GMDS: variants seen among roughly 807,000 people sequenced by gnomAD.
GMDS encodes the protein GDP-mannose 4,6 dehydratase.
GMDS carries 20 observed loss-of-function variants against 49.9 expected under a neutral mutation model. The ratio of observed to expected loss-of-function variants is 0.40; its 90% CI spans 0.28 to 0.58. The LOEUF is 0.58. GMDS is among the 20% of genes least tolerant of loss of function. The probability of loss-of-function intolerance (pLI) is 0.42; values close to 1 mark genes in which losing one functional copy is unlikely to be tolerated. For missense variants in GMDS, 362 were observed against 481.4 expected (o/e 0.75, Z 2.32); for synonymous variants, 177 against 178.6 (o/e 0.99, Z 0.07).
At chr6:1,957,858 A>G (rs776423068) in intron 6 of GMDS, among the ~76,000 whole-genome samples, 1 of 152,230 alleles carries the variant, frequency 6.6e-6, no homozygotes, top group Non-Finnish European at 1.5e-5. Flanking sequence ...GCTAGAGTGC[A>G]GTGGCACAAT....
chr6:2,025,070 C>T (rs777026062), intron 4 of GMDS, among the ~76,000 whole-genome samples: 3 of 151,788 alleles, frequency 2.0e-5, no homozygotes, highest in Non-Finnish European at 4.4e-5. Context: ...ACTATAATGG[C>T]AGTGAGAGAT....
chr6:1,694,875 G>C (rs1765286218), intron 9 of GMDS, among the ~76,000 whole-genome samples: 1 of 152,184 alleles, frequency 6.6e-6, no homozygotes, highest in African/African-American at 2.4e-5. Flanking sequence ...TTCCTACCTA[G>C]TTTTGTGCAG....
At chr6:1,976,883 A>T (rs549245823) in intron 4 of GMDS, among the ~76,000 whole-genome samples, 4 of 152,340 alleles carry the variant, frequency 2.6e-5, no homozygotes, top group Admixed American at 2.6e-4. Flanking sequence ...CCCTACACTG[A>T]ACAGGAGATA....
At chr6:1,655,660 C>T (rs187336771) in intron 9 of GMDS, among the ~76,000 whole-genome samples, 15 of 152,268 alleles carry the variant, frequency 9.9e-5, no homozygotes, top group Middle Eastern at 3.4e-3. Context: ...CCAGCCACCA[C>T]GCCTTGCTAA....
At chr6:1,693,043 C>T (rs868113198) in intron 9 of GMDS, among the ~76,000 whole-genome samples, 3 of 152,160 alleles carry the variant, frequency 2.0e-5, no homozygotes, top group East Asian at 1.9e-4. Context: ...TTGGAAGCAG[C>T]GGTACTTTTG....
chr6:2,053,356 A>G (rs1770564096), intron 4 of GMDS, among the ~76,000 whole-genome samples: 1 of 152,150 alleles, frequency 6.6e-6, no homozygotes, highest in African/African-American at 2.4e-5. Flanking sequence ...AAGGGAAAGT[A>G]CAATAAATTA....
At chr6:2,074,501 C>T (rs1426928692) in intron 4 of GMDS, among the ~76,000 whole-genome samples, 1 of 151,932 alleles carries the variant, frequency 6.6e-6, no homozygotes, top group Non-Finnish European at 1.5e-5. Flanking sequence ...TGTGCAGATG[C>T]TTTTTAGTTT....
intron 9 of GMDS, among the ~76,000 whole-genome samples, chr6:1,696,561 T>C (rs959888472): frequency 2.0e-5 from 3 of 152,246 alleles, no homozygotes; most frequent in African/African-American, 7.2e-5. Flanking sequence ...TTTCACACGT[T>C]ACTGACAGCT....
In GMDS at chr6:2,175,035, C is replaced by G. The variant is rs541340754; in HGVS notation, c.103-50304G>C. 9.2e-5 allele frequency among the ~76,000 whole-genome samples: 14 copies of G among 152,254 alleles called. No individual in the cohort carries two copies. In the East Asian group the frequency reaches 1.7e-3, roughly 19 times the overall value. On this transcript the variant is annotated intron_variant, in intron 1 of 10. Coordinates refer to ENST00000380815, the MANE Select transcript of GMDS (RefSeq NM_001500.4). The stretch of plus-strand genomic sequence containing the variant: ...GGCCACACAGACCACACCAGAGGAA[C>G]TATCTCATCATCTGAAGGGGAAGGG...
chr6:1,683,054 G>A (rs927070364), intron 9 of GMDS, among the ~76,000 whole-genome samples: 20 of 152,104 alleles, frequency 1.3e-4, no homozygotes, highest in African/African-American at 1.7e-4. Context: ...TCACTATGCC[G>A]ACGTCGACAT....
At chr6:1,954,978 AAGATCACTGATCAC>A (rs1424635364) in intron 6 of GMDS, among the ~76,000 whole-genome samples, 1 of 152,146 alleles carries the variant, frequency 6.6e-6, no homozygotes, top group Non-Finnish European at 1.5e-5. Context: ...AGCAAAACCA[AAGATCACTGATCAC>A]AGATCACCGT....
intron 4 of GMDS, among the ~76,000 whole-genome samples, chr6:2,022,295 G>C (rs1394396212): frequency 1.3e-5 from 2 of 152,036 alleles, no homozygotes; most frequent in Non-Finnish European, 2.9e-5. Context: ...GGTACTAATT[G>C]TAAATGGGTG....
At chr6:2,026,247 C>A (rs1768592692) in intron 4 of GMDS, among the ~76,000 whole-genome samples, 1 of 152,080 alleles carries the variant, frequency 6.6e-6, no homozygotes, top group Admixed American at 6.6e-5. Flanking sequence ...GGAAAGCCTC[C>A]CAGCTTCTCT....
chr6:2,203,447 C>T (rs1779643395), intron 1 of GMDS, among the ~76,000 whole-genome samples: 1 of 152,080 alleles, frequency 6.6e-6, no homozygotes, highest in Admixed American at 6.6e-5. Context: ...TAGCAGGAAA[C>T]CAGGGCATTT....
intron 9 of GMDS, among the ~76,000 whole-genome samples, chr6:1,707,780 C>T (rs987803572): frequency 6.6e-6 from 1 of 152,222 alleles, no homozygotes; most frequent in Admixed American, 6.5e-5. Context: ...TTGGAAAGTG[C>T]GCTTGCACTG....
chr6:2,162,709 C>CAA (rs1256379041), intron 1 of GMDS, among the ~76,000 whole-genome samples: 2 of 132,812 alleles, frequency 1.5e-5, no homozygotes, highest in Admixed American at 7.7e-5. Flanking sequence ...CACACACACA[C>CAA]AAAACTTTCC....
intron 7 of GMDS, among the ~76,000 whole-genome samples, chr6:1,749,815 T>C (rs1033044668): frequency 6.6e-6 from 1 of 152,170 alleles, no homozygotes; most frequent in Non-Finnish European, 1.5e-5. Context: ...TCAAATGTCA[T>C]GGTATCTGTC....
chr6:2,033,461 T>C (rs1329126636), intron 4 of GMDS, among the ~76,000 whole-genome samples: 1 of 152,224 alleles, frequency 6.6e-6, no homozygotes, highest in Non-Finnish European at 1.5e-5. Context: ...CTGAAACTGG[T>C]CAGGCATAGG....
At chr6:1,643,333 A>G (rs1415919191) in intron 9 of GMDS, among the ~76,000 whole-genome samples, 1 of 152,140 alleles carries the variant, frequency 6.6e-6, no homozygotes, top group East Asian at 1.9e-4. Flanking sequence ...AGGAAATGCA[A>G]TTTCCTTACG....
Sources: allele counts gnomAD v4.1 joint callset (sites outside exome capture counted in the v4.1 genomes callset), GRCh38; gene constraint gnomAD v4.1.1; transcripts MANE v1.5; gene names NCBI Gene and HGNC (gene_info 2026-07-23, HGNC 2026-07-21).